ANGPTL2: variants seen among roughly 807,000 people sequenced by gnomAD.
ANGPTL2 encodes angiopoietin like 2.
Under a neutral mutation model 52.8 loss-of-function variants are expected in ANGPTL2, and 25 were observed. That is an observed-to-expected ratio of 0.47 (90% CI 0.35 to 0.66). ANGPTL2 has a LOEUF of 0.66. Ranked by LOEUF, ANGPTL2 falls within the 30% of genes least tolerant of loss-of-function variation. The pLI is 0.01. For missense variants in ANGPTL2, 546 were observed against 656.9 expected (o/e 0.83, Z 1.84); for synonymous variants, 276 against 277.4 (o/e 1.00, Z 0.05).
chr9:127,108,463 T>C lies in ANGPTL2; in HGVS notation c.269A>G (p.Glu90Gly). ...CTTGAGCAGCTCATTGTTGAGCAGCTCTAGCTCCTGCTTATGCACTCGGTT... is the reference window on the plus strand; with the variant it reads ...CTTGAGCAGCTCATTGTTGAGCAGCCCTAGCTCCTGCTTATGCACTCGGTT... Reference protein sequence around the residue: ...LENRVHKQELELLNNELLKQK... With the variant: ...LENRVHKQELGLLNNELLKQK... Residue 90 changes from glutamate (E) to glycine (G), a missense_variant, in exon 2 of 5, where the codon GAG (glutamate) becomes GGG (glycine). Glu to Gly is a moderately conservative substitution (Grantham distance 98). Transcript: ENST00000373425. 10 of 1,611,830 alleles carry C rather than the reference T, an allele frequency of 6.2e-6. No homozygotes were observed. The highest frequency in any genetic ancestry group is 8.5e-6 in the Non-Finnish European group (10 of 1,179,530).
intron 1 of ANGPTL2, among the ~76,000 whole-genome samples, chr9:127,109,221 C>G (rs542175893): frequency 2.0e-5 from 3 of 152,330 alleles, no homozygotes; most frequent in South Asian, 4.1e-4. Flanking sequence ...TTTCACACCC[C>G]CTGAACTTTC....
At chr9:127,104,706 A>G (rs2054050492) in intron 2 of ANGPTL2, among the ~76,000 whole-genome samples, 1 of 152,264 alleles carries the variant, frequency 6.6e-6, no homozygotes, top group South Asian at 2.1e-4. Flanking sequence ...ATAAGCAGCC[A>G]TGGCTCCCTT....
intron 2 of ANGPTL2, among the ~76,000 whole-genome samples, chr9:127,099,900 G>A (rs1230189958): frequency 1.3e-5 from 2 of 152,220 alleles, no homozygotes; most frequent in Non-Finnish European, 2.9e-5. Context: ...GATGGGCATG[G>A]TGCCTGGGGC....
At chr9:127,098,673 C>G (rs1045719792) in intron 2 of ANGPTL2, among the ~76,000 whole-genome samples, 2 of 152,154 alleles carry the variant, frequency 1.3e-5, no homozygotes, top group African/African-American at 2.4e-5. Flanking sequence ...CTTCCTTCCT[C>G]CTCTCTGGGG....
intron 2 of ANGPTL2, among the ~76,000 whole-genome samples, chr9:127,097,842 A>C (rs61152674): frequency 6.6e-6 from 1 of 152,132 alleles, no homozygotes; most frequent in Non-Finnish European, 1.5e-5. Flanking sequence ...CTTGGCTCCA[A>C]TCTCGATGGC....
chr9:127,117,452 C>T (rs965403634), intron 1 of ANGPTL2, among the ~76,000 whole-genome samples: 15 of 152,236 alleles, frequency 9.9e-5, no homozygotes, highest in Non-Finnish European at 1.6e-4. Flanking sequence ...ACTGTGCCAG[C>T]GGCTGGAGGT....
chr9:127,109,849 C>T (rs940020621), intron 1 of ANGPTL2, among the ~76,000 whole-genome samples: 4 of 152,150 alleles, frequency 2.6e-5, no homozygotes, highest in African/African-American at 9.7e-5. Flanking sequence ...GTCAGGAATG[C>T]TTCCCTGAGA....
rs1273966162 is a variant in ANGPTL2, at chr9:127,108,236, T to C, written c.496A>G (p.Thr166Ala). ...CTGGCCAGCTGCAGCATGTCGGCTG[T>C]CTGGTTCAGGATCCTGTTCTCCAGC... ...SQLENRILNQ[T>A]ADMLQLASKY... The change falls in exon 2 of 5, where the codon ACA becomes GCA. Residue 166 changes from threonine to alanine, a missense_variant. Physicochemically the swap from Thr to Ala is moderately conservative, Grantham distance 58. This residue lies in a region of ANGPTL2 where 285 missense variants were observed against 295.8 expected (regional missense o/e 0.96). Coordinates refer to ENST00000373425, the MANE Select transcript of ANGPTL2 (RefSeq NM_012098.3). 1 of 1,613,898 alleles carries C rather than the reference T, an allele frequency of 6.2e-7. No homozygotes were observed. The highest frequency in any genetic ancestry group is 1.3e-5 in the African/African-American group (1 of 74,846).
intron 1 of ANGPTL2, among the ~76,000 whole-genome samples, chr9:127,117,827 G>A (rs1025409424): frequency 7.9e-5 from 12 of 152,228 alleles, no homozygotes; most frequent in Admixed American, 5.9e-4. Flanking sequence ...ACCTCAGGCA[G>A]GACTTTAAGG....
At position 127,088,921 on chromosome 9, in the gene ANGPTL2, T is replaced by A. The variant is rs372986660; in HGVS notation, c.*18A>T. 3.1e-6 allele frequency: 5 copies of A among 1,613,952 alleles called. No homozygotes were observed. The highest frequency in any genetic ancestry group is 3.4e-6 in the Non-Finnish European group (4 of 1,179,980). On this transcript the variant is annotated 3_prime_UTR_variant, in exon 5 of 5. Transcript: ENST00000373425. ...GGCTCCTGGCAATGGCCACGAGAGGTCAGGAGGGGGAGCTGGCTTAGTGGA... is the reference window on the plus strand; with the variant it reads ...GGCTCCTGGCAATGGCCACGAGAGGACAGGAGGGGGAGCTGGCTTAGTGGA...
At chr9:127,102,153 G>A (rs945460828) in intron 2 of ANGPTL2, among the ~76,000 whole-genome samples, 3 of 152,130 alleles carry the variant, frequency 2.0e-5, no homozygotes, top group Non-Finnish European at 4.4e-5. Context: ...ACCACTGGAA[G>A]TATATACTTC....
intron 2 of ANGPTL2, among the ~76,000 whole-genome samples, chr9:127,102,335 AT>A (rs540105395): frequency 9.5e-4 from 79 of 83,400 alleles, no homozygotes; most frequent in Middle Eastern, 6.8e-3. Context: ...TACTTTATTT[AT>A]TTTTTTTGTG....
rs773708357 is a variant in ANGPTL2 at position 127,108,540 on chromosome 9, C to A, written c.192G>T (p.Arg64=). Residue 64 remains arginine, a synonymous_variant, in exon 2 of 5, where the codon CGG becomes CGT. Coordinates refer to ENST00000373425, the MANE Select transcript of ANGPTL2 (RefSeq NM_012098.3). ...CTYTFIVPQQ[R]VTGAICVNSK... ...AGTTGACGCAGATGGCACCCGTGAC[C>A]CGCTGCTGGGGCACAATGAAGGTGT... is the stretch of plus-strand genomic sequence containing the variant. 2 of 1,613,242 alleles carry A rather than the reference C, an allele frequency of 1.2e-6. No individual in the cohort carries two copies. The highest frequency in any genetic ancestry group is 1.7e-5 in the Admixed American group (1 of 59,938).
At chr9:127,109,803 G>A (rs1364157450) in intron 1 of ANGPTL2, among the ~76,000 whole-genome samples, 1 of 152,190 alleles carries the variant, frequency 6.6e-6, no homozygotes, top group East Asian at 1.9e-4. Context: ...ACTGTCACAT[G>A]CTGTAAAGGA....
At chr9:127,121,956 T>C (rs2056142651) in intron 1 of ANGPTL2, among the ~76,000 whole-genome samples, 1 of 152,196 alleles carries the variant, frequency 6.6e-6, no homozygotes, top group East Asian at 1.9e-4. Flanking sequence ...TCTGCAGCTC[T>C]TCAGTACGCT....
At chr9:127,113,460 T>C (rs1260919308) in intron 1 of ANGPTL2, among the ~76,000 whole-genome samples, 2 of 151,794 alleles carry the variant, frequency 1.3e-5, no homozygotes, top group African/African-American at 2.4e-5. Context: ...TTTGCTCTCT[T>C]GATATTTATT....
chr9:127,098,658 G>T (rs188352020), intron 2 of ANGPTL2, among the ~76,000 whole-genome samples: 1 of 152,206 alleles, frequency 6.6e-6, no homozygotes, highest in African/African-American at 2.4e-5. Context: ...GATCAGCTTT[G>T]GGTGCTTCCT....
chr9:127,088,961 G>A lies in ANGPTL2; in HGVS notation c.1460C>T (p.Pro487Leu), dbSNP rs774148995. 33 of 1,614,182 alleles carry A rather than the reference G, an allele frequency of 2.0e-5. No homozygotes were observed. Among genetic ancestry groups the A allele is most frequent in the South Asian group, 4.4e-5 (4 of 91,076 alleles). The change falls in exon 5 of 5, where the codon CCG becomes CTG. Residue 487 changes from proline (P) to leucine (L), a missense_variant. This residue lies in a region of ANGPTL2 where 261 missense variants were observed against 361.0 expected (regional missense o/e 0.72). Coordinates refer to ENST00000373425, the MANE Select transcript of ANGPTL2 (RefSeq NM_012098.3). The part of the protein sequence containing the change: ...SLKKVVMMIR[P>L]NPNTFH ...GGCTTAGTGGAAGGTGTTGGGGTTCGGTCGGATCATCATCACCACTTTCTT... is the reference window on the plus strand; with the variant it reads ...GGCTTAGTGGAAGGTGTTGGGGTTCAGTCGGATCATCATCACCACTTTCTT...
chr9:127,092,011 C>A (rs879594145), intron 3 of ANGPTL2, 71 bp from the exon 4 acceptor site: 34 of 1,570,984 alleles, frequency 2.2e-5, no homozygotes, highest in Admixed American at 8.7e-5. Flanking sequence ...GGCTGTCAGA[C>A]ACTCAGCCCT....
Sources: allele counts gnomAD v4.1 joint callset (sites outside exome capture counted in the v4.1 genomes callset), GRCh38; gene constraint gnomAD v4.1.1; regional missense constraint gnomAD v4.1.1; transcripts MANE v1.5; gene names NCBI Gene and HGNC (gene_info 2026-07-23, HGNC 2026-07-21).